BCOR: variants seen among roughly 807,000 people sequenced by gnomAD.
The protein encoded by BCOR is BCL6 corepressor, also known as BCL-6 corepressor.
In BCOR, 10 loss-of-function variants were observed where a neutral mutation model predicts 86.7. That is an observed-to-expected ratio of 0.12 (90% CI 0.07 to 0.20). The LOEUF (loss-of-function observed/expected upper bound fraction) is 0.20, where lower values mean the gene tolerates loss of function less well. BCOR is among the 10% of genes least tolerant of loss of function. The probability of loss-of-function intolerance (pLI) is 1.00; values close to 1 mark genes in which losing one functional copy is unlikely to be tolerated. For missense variants in BCOR, 1,259 were observed against 1,452.1 expected (o/e 0.87, Z 2.16); for synonymous variants, 611 against 609.0 (o/e 1.00, Z -0.05).
intron 1 of BCOR, among the ~76,000 whole-genome samples, chrX:40,108,839 G>A (rs1029480876): frequency 8.8e-6 from 1 of 113,352 alleles, no homozygotes; most frequent in Admixed American, 9.2e-5. Context: ...GCCCACGGTG[G>A]AGCCGGCACG....
chrX:40,100,908 T>C (rs1938681182), upstream of BCOR, among the ~76,000 whole-genome samples: 1 of 109,259 alleles, frequency 9.2e-6, no homozygotes, highest in Admixed American at 9.8e-5. Context: ...GCCTCCACGG[T>C]AGGCTGGTAG....
At chrX:40,062,442 C>G (rs368763860) in intron 9 of BCOR, 49 bp from the exon 10 acceptor site, 2 of 1,174,654 alleles carry the variant, frequency 1.7e-6, no homozygotes, top group African/African-American at 3.5e-5. Flanking sequence ...GTCCTTCTAA[C>G]AGCCGCTGCT....
intron 1 of BCOR, among the ~76,000 whole-genome samples, chrX:40,131,382 C>T (rs771022115): frequency 9.8e-5 from 11 of 112,436 alleles, no homozygotes; most frequent in Non-Finnish European, 1.5e-4. Context: ...ACAGGCCAGG[C>T]GCAGTGGCTC....
chrX:40,074,959 G>T lies in BCOR; in HGVS notation c.387C>A (p.Pro129=), dbSNP rs769854762. The T allele has an allele frequency of 2.6e-5, 32 of 1,208,806 alleles. No homozygotes were observed. The highest frequency in any genetic ancestry group is 2.9e-5 in the Non-Finnish European group (26 of 894,760). The change falls in exon 4 of 15, where the codon CCC becomes CCA. Residue 129 remains proline, a synonymous_variant. Coordinates refer to ENST00000378444, the MANE Select transcript of BCOR (RefSeq NM_001123385.2). ...AGACGGCAGAAGCCTCCACTGTCTC[G>T]GGTGTATTCGGTTTGAACTGCATCT... ...NPEMQFKPNT[P]ETVEASAVSG...
intron 1 of BCOR, among the ~76,000 whole-genome samples, chrX:40,089,822 C>T (rs1410534855): frequency 1.8e-5 from 2 of 111,992 alleles, no homozygotes; most frequent in Admixed American, 1.9e-4. Flanking sequence ...GCTCCTCCAT[C>T]TACCTTTCCT....
At chrX:40,075,328 G>A in intron 3 of BCOR, 148 bp from the exon 4 acceptor site, 1 of 445,509 alleles carries the variant, frequency 2.2e-6, no homozygotes. Context: ...CGGGGGTGGG[G>A]GGTCTGTTTC....
At chrX:40,096,081 G>A (rs965458740) in intron 1 of BCOR, among the ~76,000 whole-genome samples, 8 of 112,607 alleles carry the variant, frequency 7.1e-5, no homozygotes, top group Non-Finnish European at 1.5e-4. Flanking sequence ...CCGCCCGCCG[G>A]CTCCGAGCGC....
At chrX:40,131,870 T>A (rs1308438066) in intron 1 of BCOR, among the ~76,000 whole-genome samples, 1 of 111,311 alleles carries the variant, frequency 9.0e-6, no homozygotes. Context: ...TGAGATACCG[T>A]GGTGGTTTTA....
chrX:40,138,175 C>T (rs1937728559), intron 1 of BCOR, among the ~76,000 whole-genome samples: 2 of 111,948 alleles, frequency 1.8e-5, no homozygotes, highest in Admixed American at 1.9e-4. Flanking sequence ...TGGTCTCGAA[C>T]TCCCGACCTC....
At chrX:40,128,646 A>G (rs1037040262) in intron 1 of BCOR, among the ~76,000 whole-genome samples, 5 of 112,335 alleles carry the variant, frequency 4.5e-5, no homozygotes, top group African/African-American at 1.6e-4. Context: ...AAAAGGGAGC[A>G]GGGACCACCT....
At chrX:40,063,110 G>GGGGGGGGGC in intron 8 of BCOR, 39 bp from the exon 9 acceptor site, 1 of 644,556 alleles carries the variant, frequency 1.6e-6, no homozygotes, top group Non-Finnish European at 2.2e-6. Context: ...GGGCGGATGG[G>GGGGGGGGGC]AGACGGGAGA....
At chrX:40,061,507 A>C (rs1200310344) in intron 10 of BCOR, among the ~76,000 whole-genome samples, 1 of 111,540 alleles carries the variant, frequency 9.0e-6, no homozygotes, top group Non-Finnish European at 1.9e-5. Context: ...GGGCTCCGTC[A>C]ACGTAAGCTA....
chrX:40,061,153 C>T (rs1374117304), intron 10 of BCOR, among the ~76,000 whole-genome samples: 2 of 111,160 alleles, frequency 1.8e-5, no homozygotes, highest in East Asian at 6.1e-4. Flanking sequence ...TTATTTTCAC[C>T]ACGACTCCTA....
chrX:40,091,493 G>A (rs1936608310), intron 1 of BCOR, among the ~76,000 whole-genome samples: 1 of 112,719 alleles, frequency 8.9e-6, no homozygotes, highest in Non-Finnish European at 1.9e-5. Context: ...CCCCGTTTCT[G>A]AGACCCTCGA....
At chrX:40,089,571 C>T (rs767141345) in intron 1 of BCOR, among the ~76,000 whole-genome samples, 2 of 110,873 alleles carry the variant, frequency 1.8e-5, no homozygotes, top group Non-Finnish European at 3.8e-5. Flanking sequence ...CCATTTCCCC[C>T]TACATCCTAC....
intron 1 of BCOR, among the ~76,000 whole-genome samples, chrX:40,082,789 G>C (rs1936162976): frequency 8.9e-6 from 1 of 111,852 alleles, no homozygotes; most frequent in Non-Finnish European, 1.9e-5. Context: ...CCTGGCAATA[G>C]CTGGCGCTGG....
At chrX:40,142,595 G>T (rs2147961624) in intron 1 of BCOR, among the ~76,000 whole-genome samples, 1 of 111,782 alleles carries the variant, frequency 8.9e-6, no homozygotes, top group Admixed American at 9.5e-5. Flanking sequence ...TCCTGTGCGT[G>T]AGGGGGCCGT....
intron 1 of BCOR, among the ~76,000 whole-genome samples, chrX:40,093,511 G>A (rs750004921): frequency 1.8e-5 from 2 of 111,564 alleles, no homozygotes; most frequent in Non-Finnish European, 1.9e-5. Flanking sequence ...GTCTGCAGAG[G>A]TGTATTAAAA....
Position 40,074,371 on chromosome X carries a change from C to T in BCOR, c.975G>A (p.Leu325=), listed in dbSNP as rs1181550129. The T allele has an allele frequency of 8.3e-7, 1 of 1,209,948 alleles. No individual in the cohort carries two copies. Among genetic ancestry groups the T allele is most frequent in the Admixed American group, 2.2e-5 (1 of 45,902 alleles). The change falls in exon 4 of 15, where the codon CTG becomes CTA. Residue 325 remains leucine (L), a synonymous_variant. Coordinates refer to ENST00000378444, the MANE Select transcript of BCOR (RefSeq NM_001123385.2). ...GCAACAGGAGAGCTGTGTCCCCCGG[C>T]AGGCCACTGGTGACCGCCTTGGCAG... ...VPSAKAVTSG[L]PGDTALLLPP...
Sources: allele counts gnomAD v4.1 joint callset (sites outside exome capture counted in the v4.1 genomes callset), GRCh38; gene constraint gnomAD v4.1.1; transcripts MANE v1.5; gene names NCBI Gene and HGNC (gene_info 2026-07-23, HGNC 2026-07-21).